Variants in RMC1 observed in about 807,000 individuals in gnomAD.
RMC1 encodes regulator of MON1-CCZ1 complex.
Under a neutral mutation model 95.5 loss-of-function variants are expected in RMC1, and 44 were observed. That is an observed-to-expected ratio of 0.46 (90% CI 0.36 to 0.59). The LOEUF (loss-of-function observed/expected upper bound fraction) is 0.59. Among genes scored for constraint, RMC1 ranks in the 20% least tolerant of loss-of-function variants. The pLI is 0.00. For missense variants in RMC1, 705 were observed against 819.6 expected (o/e 0.86, Z 1.71); for synonymous variants, 320 against 303.6 (o/e 1.05, Z -0.56).
chr18:23,518,996 G>A lies in RMC1; in HGVS notation c.743+17G>A. On this transcript the variant is annotated intron_variant, in intron 8 of 19. Coordinates refer to ENST00000269221, the MANE Select transcript of RMC1 (RefSeq NM_013326.5). ...TCTACCACGGTAGATTTCATGCTTT[G>A]TTTTCCCTCTCTCTCTGATTTTAAA... 5 of 1,613,850 alleles carry A rather than the reference G, an allele frequency of 3.1e-6. No individual in the cohort carries two copies. Among genetic ancestry groups the A allele is most frequent in the Non-Finnish European group, 4.2e-6 (5 of 1,179,774 alleles).
intron 2 of RMC1, among the ~76,000 whole-genome samples, chr18:23,505,467 A>T (rs547872637): frequency 1.2e-4 from 19 of 152,302 alleles, no homozygotes; most frequent in African/African-American, 4.1e-4. Flanking sequence ...GGAAGGGGAA[A>T]TGGTGGTGGT....
chr18:23,505,229 T>G (rs1364888457), intron 2 of RMC1, among the ~76,000 whole-genome samples: 1 of 152,088 alleles, frequency 6.6e-6, no homozygotes, highest in Non-Finnish European at 1.5e-5. Flanking sequence ...GGCTAATTTT[T>G]TTTGTATTTT....
At chr18:23,528,856 A>G (rs1168970087) in intron 14 of RMC1, 1 of 202,584 alleles carries the variant, frequency 4.9e-6, no homozygotes, top group East Asian at 1.5e-4. Context: ...CCCCACAGCT[A>G]TTGCATAATC....
At position 23,519,207 on chromosome 18, in the gene RMC1, G is replaced by C. The variant is rs2058084246; in HGVS notation, c.849+33G>C. 1.9e-6 allele frequency: 3 copies of C among 1,590,974 alleles called. No homozygotes were observed. In the South Asian group the frequency reaches 3.3e-5, roughly 18 times the overall value. Reference sequence around the variant, plus strand: ...CTGTCTGCGTTTCTACCAAAGTTAAGGTTGCTTAAAAGCCTTGTGAAAATT... The same window carrying C: ...CTGTCTGCGTTTCTACCAAAGTTAACGTTGCTTAAAAGCCTTGTGAAAATT... On this transcript the variant is annotated intron_variant, in intron 9 of 19. Coordinates refer to ENST00000269221, the MANE Select transcript of RMC1 (RefSeq NM_013326.5).
rs2057646825 is a variant in RMC1 at position 23,503,684 on chromosome 18, T to C, written c.66T>C (p.Pro22=). 1.3e-6 allele frequency: 2 copies of C among 1,593,958 alleles called. No homozygotes were observed. The highest frequency in any genetic ancestry group is 1.7e-6 in the Non-Finnish European group (2 of 1,170,638). ...CGGTGCAGTTCGAGAAGGCGAACCCTGTCAACTGCGTCTTCTTCGATGAGG... is the reference window on the plus strand; with the variant it reads ...CGGTGCAGTTCGAGAAGGCGAACCCCGTCAACTGCGTCTTCTTCGATGAGG... The part of the protein sequence containing the change: ...ERPVQFEKAN[P]VNCVFFDEAN... Residue 22 remains proline, a synonymous_variant, in exon 1 of 20, where the codon CCT becomes CCC. Coordinates refer to ENST00000269221, the MANE Select transcript of RMC1 (RefSeq NM_013326.5).
chr18:23,527,171 C>G (rs976301862), intron 13 of RMC1, among the ~76,000 whole-genome samples: 1 of 144,778 alleles, frequency 6.9e-6, no homozygotes, highest in Middle Eastern at 4.0e-3. Context: ...ATTGCCTGAG[C>G]CTAGGAGTTC....
intron 2 of RMC1, 122 bp downstream of exon 2, chr18:23,504,569 G>A: frequency 1.2e-6 from 1 of 800,286 alleles, no homozygotes; most frequent in Non-Finnish European, 2.1e-6. Flanking sequence ...GTCTGTGTGC[G>A]CACATGGAAT....
intron 10 of RMC1, among the ~76,000 whole-genome samples, chr18:23,523,564 A>G (rs1167479451): frequency 2.7e-5 from 4 of 150,030 alleles, no homozygotes; most frequent in Non-Finnish European, 4.4e-5. Context: ...AAAAAAAAAA[A>G]AAAAAGAAAA....
intron 15 of RMC1, 31 bp downstream of exon 15, chr18:23,529,329 T>G: frequency 1.3e-6 from 2 of 1,592,630 alleles, no homozygotes; most frequent in South Asian, 1.1e-5. Flanking sequence ...TCTTCTGGAC[T>G]GAGAATGCTC....
chr18:23,518,965 C>CT lies in RMC1; in HGVS notation c.730dup (p.Tyr244LeufsTer10). The CT allele has an allele frequency of 6.2e-7, 1 of 1,614,170 alleles. No homozygotes were observed. The highest frequency in any genetic ancestry group is 8.5e-7 in the Non-Finnish European group (1 of 1,180,016). ...ACAGCACAGGAGCGGAGGTGGTCCT[C>CT]TATCATCTACCACGGTAGATTTCAT... On this transcript the variant is annotated frameshift_variant, in exon 8 of 20. Coordinates refer to ENST00000269221, the MANE Select transcript of RMC1 (RefSeq NM_013326.5). LOFTEE classifies it high-confidence loss of function.
rs747013933 is a variant in RMC1, at chr18:23,531,621, C to T, written c.1895-4C>T. ...AACTGGCAATTAAATCTCTTCCTTT[C>T]TAGGGGAACACTGTGAAGAACATGT... On this transcript the variant is annotated splice_region_variant and splice_polypyrimidine_tract_variant and intron_variant, in intron 19 of 19. Coordinates refer to ENST00000269221, the MANE Select transcript of RMC1 (RefSeq NM_013326.5). 18 of 1,610,538 alleles carry T rather than the reference C, an allele frequency of 1.1e-5. No homozygotes were observed. The highest frequency in any genetic ancestry group is 1.7e-5 in the Admixed American group (1 of 59,240).
chr18:23,504,007 T>C (rs1797235415), intron 1 of RMC1, among the ~76,000 whole-genome samples: 3 of 152,220 alleles, frequency 2.0e-5, no homozygotes, highest in Non-Finnish European at 4.4e-5. Context: ...CTTCTTTTGT[T>C]GTGTTTGTCA....
intron 11 of RMC1, 91 bp from the exon 12 acceptor site, chr18:23,524,338 G>A: frequency 1.3e-6 from 2 of 1,519,106 alleles, no homozygotes; most frequent in Non-Finnish European, 9.1e-7. Flanking sequence ...CGTGGACTCA[G>A]TACATGGTGG....
chr18:23,521,888 G>C lies in RMC1; in HGVS notation c.961+1575G>C, dbSNP rs900800927. ...CCTGTCCCTCGCAGCAGTCTCTCCC[G>C]GCTCTCTTTTGAAGGAGATTGGAGT... On this transcript the variant is annotated intron_variant, in intron 10 of 19. Coordinates refer to ENST00000269221, the MANE Select transcript of RMC1 (RefSeq NM_013326.5). 9.2e-5 allele frequency among the ~76,000 whole-genome samples: 14 copies of C among 152,196 alleles called. No individual in the cohort carries two copies. The East Asian group carries it at 2.5e-3, about 27-fold the overall frequency.
chr18:23,524,173 C>G lies in RMC1; in HGVS notation c.1005C>G (p.Leu335=). 1 of 1,613,744 alleles carries G rather than the reference C, an allele frequency of 6.2e-7. No individual in the cohort carries two copies. The highest frequency in any genetic ancestry group is 8.5e-7 in the Non-Finnish European group (1 of 1,180,036). The change falls in exon 11 of 20, where the codon CTC becomes CTG. Residue 335 remains leucine, a splice_region_variant and synonymous_variant. Coordinates refer to ENST00000269221, the MANE Select transcript of RMC1 (RefSeq NM_013326.5). The part of the protein sequence containing the change: ...VTSQSPVPCK[L]YSSSWIVFQP... ...GCCAGTCTCCTGTTCCATGTAAACTCTGTATCCTTTACTAAGGTGTGGCAC... is the reference window on the plus strand; with the variant it reads ...GCCAGTCTCCTGTTCCATGTAAACTGTGTATCCTTTACTAAGGTGTGGCAC...
At position 23,530,596 on chromosome 18, in the gene RMC1, C is replaced by A; in HGVS notation, c.1878C>A (p.Ser626Arg). Reference protein sequence around the residue: ...FEQRNQRLRGSPNFTPGEHCE... With the variant: ...FEQRNQRLRGRPNFTPGEHCE... ...AGCGAAACCAGCGTTTGCGAGGGAG[C>A]CCCAATTTCACACCAGGTGAGAATG... The change falls in exon 19 of 20, where the codon AGC (serine) becomes AGA (arginine). Residue 626 changes from serine (S) to arginine (R), a missense_variant. Physicochemically the swap from Ser to Arg is moderately radical, Grantham distance 110. Transcript: ENST00000269221. 1 of 1,613,602 alleles carries A rather than the reference C, an allele frequency of 6.2e-7. No individual in the cohort carries two copies. The highest frequency in any genetic ancestry group is 1.1e-5 in the South Asian group (1 of 91,060).
intron 18 of RMC1, 33 bp downstream of exon 18, chr18:23,530,330 AAACT>A (rs775064297): frequency 1.9e-6 from 3 of 1,613,994 alleles, no homozygotes; most frequent in Non-Finnish European, 2.5e-6. Context: ...TAGACTATGG[AAACT>A]AACTCTGTTC....
chr18:23,506,023 C>T (rs1312106556), intron 2 of RMC1, among the ~76,000 whole-genome samples: 1 of 151,810 alleles, frequency 6.6e-6, no homozygotes, highest in Non-Finnish European at 1.5e-5. Flanking sequence ...AAAAATTAGC[C>T]AGGTGTGGTG....
intron 14 of RMC1, 50 bp from the exon 15 acceptor site, chr18:23,529,128 AC>A (rs2058401698): frequency 6.3e-7 from 1 of 1,588,732 alleles, no homozygotes; most frequent in South Asian, 1.2e-5. Context: ...TGTAAACAGC[AC>A]CCTTCCTCTA....
Sources: allele counts gnomAD v4.1 joint callset (sites outside exome capture counted in the v4.1 genomes callset), GRCh38; gene constraint gnomAD v4.1.1; transcripts MANE v1.5; gene names NCBI Gene and HGNC (gene_info 2026-07-23, HGNC 2026-07-21).